SNTG1: variants seen among roughly 807,000 people sequenced by gnomAD.
SNTG1 encodes the protein syntrophin gamma 1, also known as gamma-1-syntrophin.
In SNTG1, 39 loss-of-function variants were observed where a neutral mutation model predicts 74.7. That is an observed-to-expected ratio of 0.52 (90% confidence interval 0.40 to 0.68). The LOEUF is 0.68. Ranked by LOEUF, SNTG1 falls within the 30% of genes least tolerant of loss-of-function variation. SNTG1 has a pLI of 0.00. For missense variants in SNTG1, 685 were observed against 609.5 expected, an observed-to-expected ratio of 1.12 and a Z score of -1.30; for synonymous variants, 254 against 217.1, an observed-to-expected ratio of 1.17 and a Z score of -1.49.
intron 1 of SNTG1, among the ~76,000 whole-genome samples, chr8:49,946,941 G>T (rs1458971618): frequency 6.6e-6 from 1 of 152,036 alleles, no homozygotes; most frequent in East Asian, 1.9e-4. Flanking sequence ...CAACATATAC[G>T]TTTAACACAT....
chr8:50,384,241 G>A (rs973701122), intron 2 of SNTG1, among the ~76,000 whole-genome samples: 5 of 152,170 alleles, frequency 3.3e-5, no homozygotes, highest in Non-Finnish European at 7.4e-5. Flanking sequence ...CCAACTTCAA[G>A]ATGGTGGGAA....
intron 1 of SNTG1, among the ~76,000 whole-genome samples, chr8:50,064,396 CT>C (rs1174165766): frequency 1.3e-5 from 2 of 152,148 alleles, no homozygotes; most frequent in Non-Finnish European, 2.9e-5. Flanking sequence ...AACCCATCTC[CT>C]TCTGCTTACC....
At chr8:50,126,639 A>C (rs1284071425) in intron 1 of SNTG1, among the ~76,000 whole-genome samples, 1 of 151,830 alleles carries the variant, frequency 6.6e-6, no homozygotes, top group Non-Finnish European at 1.5e-5. Flanking sequence ...TATATGTTTC[A>C]TATATTATAT....
At chr8:50,237,470 A>G (rs2085966618) in intron 2 of SNTG1, among the ~76,000 whole-genome samples, 1 of 152,156 alleles carries the variant, frequency 6.6e-6, no homozygotes, top group Non-Finnish European at 1.5e-5. Context: ...TTGAGATGAC[A>G]TTCACTTATT....
At chr8:50,211,625 A>T (rs2131913369) in intron 2 of SNTG1, among the ~76,000 whole-genome samples, 1 of 152,290 alleles carries the variant, frequency 6.6e-6, no homozygotes, top group Admixed American at 6.5e-5. Context: ...CTCAATTAAA[A>T]CAATTCTAAG....
intron 1 of SNTG1, among the ~76,000 whole-genome samples, chr8:50,026,062 A>C (rs1817237936): frequency 6.6e-6 from 1 of 152,070 alleles, no homozygotes; most frequent in Non-Finnish European, 1.5e-5. Context: ...AATTATCTAA[A>C]ATTGTTCCAT....
rs187908067 is a variant in SNTG1 at position 50,181,403 on chromosome 8, C to A, written c.-28+8768C>A. Among the ~76,000 whole-genome samples, 264 of 152,226 alleles carry A rather than the reference C, an allele frequency of 1.7e-3. 2 individuals carry two copies. Among genetic ancestry groups the A allele is most frequent in the African/African-American group, 6.0e-3 (248 of 41,546 alleles). On this transcript the variant is annotated intron_variant, in intron 2 of 18. Coordinates refer to ENST00000642720, the MANE Select transcript of SNTG1 (RefSeq NM_018967.5). ...ATATAATTTCAGCCTTCTTGCCTTT[C>A]CAAAAACTTATTCTCCAAAAACAAC...
chr8:50,669,412 A>G (rs200394926), intron 15 of SNTG1, among the ~76,000 whole-genome samples: 2 of 151,974 alleles, frequency 1.3e-5, no homozygotes, highest in South Asian at 4.2e-4. Context: ...ACTACAAACA[A>G]CTCTATGCAA....
chr8:50,720,975 A>C (rs2095486341), intron 17 of SNTG1, among the ~76,000 whole-genome samples: 1 of 152,196 alleles, frequency 6.6e-6, no homozygotes, highest in Non-Finnish European at 1.5e-5. Flanking sequence ...CTTTAAACAG[A>C]AATTTTTCTC....
chr8:50,412,187 A>G (rs2092958004), intron 4 of SNTG1, among the ~76,000 whole-genome samples: 1 of 152,186 alleles, frequency 6.6e-6, no homozygotes, highest in Non-Finnish European at 1.5e-5. Flanking sequence ...GCATTGTTAA[A>G]TCCACTTGTT....
Position 50,789,835 on chromosome 8 carries a change from G to T in SNTG1, c.1396-2836G>T, listed in dbSNP as rs971606709. Among the ~76,000 whole-genome samples the T allele has an allele frequency of 7.2e-5, 11 of 151,872 alleles. 1 individual carries two copies. Among genetic ancestry groups the T allele is most frequent in the African/African-American group, 2.2e-4 (9 of 41,404 alleles). On this transcript the variant is annotated intron_variant, in intron 18 of 18. Transcript: ENST00000642720. The stretch of plus-strand genomic sequence containing the variant: ...AAAATTTCCCATGGTTTCCCATGTC[G>T]CTCATAGTAAAACTCATAAAGGCTC...
At chr8:50,585,203 C>T (rs979649505) in intron 12 of SNTG1, among the ~76,000 whole-genome samples, 11 of 151,630 alleles carry the variant, frequency 7.3e-5, no homozygotes, top group Non-Finnish European at 1.2e-4. Context: ...AAAGGCTTAA[C>T]GTGGCCTTCA....
chr8:50,022,484 G>A (rs1429213642), intron 1 of SNTG1, among the ~76,000 whole-genome samples: 4 of 152,202 alleles, frequency 2.6e-5, no homozygotes, highest in Non-Finnish European at 5.9e-5. Context: ...GAAAGTAGAA[G>A]AGGCAGATTA....
At chr8:49,991,003 C>A (rs1488034298) in intron 1 of SNTG1, among the ~76,000 whole-genome samples, 1 of 152,042 alleles carries the variant, frequency 6.6e-6, no homozygotes, top group African/African-American at 2.4e-5. Flanking sequence ...AATCAAAGGG[C>A]AGCCTAGAAA....
intron 1 of SNTG1, among the ~76,000 whole-genome samples, chr8:50,059,358 C>A (rs532801118): frequency 1.3e-5 from 2 of 152,180 alleles, no homozygotes; most frequent in South Asian, 4.1e-4. Flanking sequence ...ATTCACACAG[C>A]TTATAACTCA....
intron 2 of SNTG1, among the ~76,000 whole-genome samples, chr8:50,380,716 TA>T (rs1285562804): frequency 6.6e-6 from 1 of 152,232 alleles, no homozygotes; most frequent in Non-Finnish European, 1.5e-5. Context: ...TCAGCATGCA[TA>T]AATTTGGCTG....
At chr8:50,429,196 G>GA (rs1263216066) in intron 4 of SNTG1, among the ~76,000 whole-genome samples, 1 of 151,738 alleles carries the variant, frequency 6.6e-6, no homozygotes, top group African/African-American at 2.4e-5. Flanking sequence ...AAACAATCTT[G>GA]AAAAAAACAA....
chr8:50,588,815 T>A (rs1205974728), intron 12 of SNTG1, among the ~76,000 whole-genome samples: 1 of 152,172 alleles, frequency 6.6e-6, no homozygotes, highest in Non-Finnish European at 1.5e-5. Flanking sequence ...TCTTCAATAA[T>A]TGACTTAATG....
intron 1 of SNTG1, among the ~76,000 whole-genome samples, chr8:49,925,203 G>A (rs934969526): frequency 6.6e-6 from 1 of 152,014 alleles, no homozygotes; most frequent in African/African-American, 2.4e-5. Flanking sequence ...GCTATGCACA[G>A]TTATGTTATA....
Sources: allele counts gnomAD v4.1 joint callset (sites outside exome capture counted in the v4.1 genomes callset), GRCh38; gene constraint gnomAD v4.1.1; transcripts MANE v1.5; gene names NCBI Gene and HGNC (gene_info 2026-07-23, HGNC 2026-07-21).